PCDHGB1: variants seen among roughly 807,000 people sequenced by gnomAD.
The protein encoded by PCDHGB1 is protocadherin gamma subfamily B, 1, also known as protocadherin gamma-B1.
PCDHGB1 carries 34 observed loss-of-function variants against 56.6 expected under a neutral mutation model. The ratio of observed to expected loss-of-function variants is 0.60; its 90% confidence interval spans 0.46 to 0.80. The LOEUF (loss-of-function observed/expected upper bound fraction) is 0.80. Ranked by LOEUF, PCDHGB1 falls within the 30% of genes least tolerant of loss-of-function variation. PCDHGB1 has a pLI of 0.00. For missense variants in PCDHGB1, 1,278 were observed against 1,204.6 expected, an observed-to-expected ratio of 1.06 and a Z score of -0.90; for synonymous variants, 561 against 505.9, an observed-to-expected ratio of 1.11 and a Z score of -1.46.
rs376978832 is a variant in PCDHGB1, at chr5:141,395,250, C to T, written c.2409+42581C>T. On this transcript the variant is annotated intron_variant, in intron 1 of 3. Transcript: ENST00000523390. ...TGATCATGGTCAGGTGAGTTTAGTT[C>T]TTTGCTTGCTTTTAATTTCCAGATG... 1.1e-5 allele frequency: 17 copies of T among 1,558,200 alleles called. No individual in the cohort carries two copies. In the African/African-American group the frequency reaches 2.3e-4, roughly 21 times the overall value.
chr5:141,454,010 G>A (rs998092071), intron 1 of PCDHGB1, among the ~76,000 whole-genome samples: 2 of 152,146 alleles, frequency 1.3e-5, no homozygotes, highest in African/African-American at 4.8e-5. Context: ...TAACATTTTA[G>A]AAAAATGTAT....
At chr5:141,356,980 G>A in intron 1 of PCDHGB1, 1 of 1,614,252 alleles carries the variant, frequency 6.2e-7, no homozygotes, top group Non-Finnish European at 8.5e-7. Flanking sequence ...AGTGGTGGCA[G>A]TGGACAGAGA....
At chr5:141,412,163 T>G (rs1005929326) in intron 1 of PCDHGB1, 13 of 152,240 alleles carry the variant, frequency 8.5e-5, no homozygotes, top group African/African-American at 2.9e-4. Flanking sequence ...GAGAAGAGAT[T>G]ATTTATACTG....
At chr5:141,384,274 G>C (rs1396743546) in intron 1 of PCDHGB1, 1 of 1,613,704 alleles carries the variant, frequency 6.2e-7, no homozygotes, top group Non-Finnish European at 8.5e-7. Flanking sequence ...ATCCTACTCA[G>C]TCTACATCGC....
In PCDHGB1 at chr5:141,365,803, G is replaced by A. The variant is rs138451800; in HGVS notation, c.2409+13134G>A. On this transcript the variant is annotated intron_variant, in intron 1 of 3. Coordinates refer to ENST00000523390, the MANE Select transcript of PCDHGB1 (RefSeq NM_018922.3). ...ACAACGCTCGAGTCACCTACTCCCT[G>A]GCTGAAGACACATTTCAGGGGGCGC... 8,384 of 1,613,862 alleles carry A rather than the reference G, an allele frequency of 5.2e-3. 46 individuals are homozygous for A. Among genetic ancestry groups the A allele is most frequent in the Admixed American group, 9.4e-3 (566 of 60,014 alleles).
intron 1 of PCDHGB1, chr5:141,418,046 G>A (rs757311166): frequency 1.9e-6 from 3 of 1,613,888 alleles, no homozygotes; most frequent in Admixed American, 3.3e-5. Flanking sequence ...GGATGTGTCG[G>A]CTCGCGAGCT....
chr5:141,505,118 C>T (rs544825360), intron 2 of PCDHGB1, among the ~76,000 whole-genome samples: 32 of 152,222 alleles, frequency 2.1e-4, no homozygotes, highest in African/African-American at 7.5e-4. Flanking sequence ...GCCAAGATCG[C>T]GCCACTGCAC....
At chr5:141,362,340 T>C (rs764036848) in intron 1 of PCDHGB1, 2 of 1,614,058 alleles carry the variant, frequency 1.2e-6, no homozygotes, top group African/African-American at 2.7e-5. Flanking sequence ...GCTCCAAGCC[T>C]GGACCTGGGG....
At chr5:141,435,902 A>G (rs896786345) in intron 1 of PCDHGB1, among the ~76,000 whole-genome samples, 1 of 152,194 alleles carries the variant, frequency 6.6e-6, no homozygotes, top group Non-Finnish European at 1.5e-5. Flanking sequence ...AATGAAAGAC[A>G]TCCAAGGGCT....
intron 1 of PCDHGB1, chr5:141,478,331 G>C: frequency 6.2e-7 from 1 of 1,613,956 alleles, no homozygotes; most frequent in Non-Finnish European, 8.5e-7. Context: ...CCGAACACCA[G>C]GGCCCTCCTT....
At chr5:141,454,871 G>A (rs1337911223) in intron 1 of PCDHGB1, among the ~76,000 whole-genome samples, 2 of 129,030 alleles carry the variant, frequency 1.6e-5, no homozygotes, top group Non-Finnish European at 3.1e-5. Context: ...GCAGTGGCAC[G>A]ATCTTGGCTC....
At chr5:141,396,515 G>A (rs1162905890) in intron 1 of PCDHGB1, 3 of 152,048 alleles carry the variant, frequency 2.0e-5, no homozygotes, top group Non-Finnish European at 4.4e-5. Flanking sequence ...AGCTACTCGG[G>A]AGGCTGAGGC....
chr5:141,390,118 C>G, intron 1 of PCDHGB1: 2 of 1,614,036 alleles, frequency 1.2e-6, no homozygotes, highest in Non-Finnish European at 1.7e-6. Context: ...AGCGAGGGGA[C>G]TTTGCCTTAT....
chr5:141,410,820 T>A (rs1032991309), intron 1 of PCDHGB1: 14 of 524,668 alleles, frequency 2.7e-5, no homozygotes, highest in Non-Finnish European at 4.1e-5. Context: ...TAAAATAATG[T>A]CACCAGACTG....
At position 141,422,119 on chromosome 5, in the gene PCDHGB1, C is replaced by T. The variant is rs778866054; in HGVS notation, c.2409+69450C>T. 26 of 1,603,658 alleles carry T rather than the reference C, an allele frequency of 1.6e-5. No homozygotes were observed. In the Admixed American group the frequency reaches 4.2e-4, roughly 26 times the overall value. ...TTCTGAAATATTCCAATTGGATTCA[C>T]AAACTGGAGAAGTTCAAGTACGGGG... On this transcript the variant is annotated intron_variant, in intron 1 of 3. Transcript: ENST00000523390.
chr5:141,492,078 C>T (rs948391194), intron 1 of PCDHGB1: 4 of 483,290 alleles, frequency 8.3e-6, no homozygotes, highest in African/African-American at 2.0e-5. Flanking sequence ...GCGCCGGCTC[C>T]GGCACGCTTC....
At chr5:141,403,591 G>C in intron 1 of PCDHGB1, 2 of 1,613,836 alleles carry the variant, frequency 1.2e-6, no homozygotes, top group South Asian at 1.1e-5. Flanking sequence ...TGGTCCTCAC[G>C]GCCTCGGATG....
At chr5:141,359,980 T>C in intron 1 of PCDHGB1, 1 of 851,316 alleles carries the variant, frequency 1.2e-6, no homozygotes, top group Non-Finnish European at 1.7e-6. Flanking sequence ...GGGAGCCTCT[T>C]AGAGGGGAAC....
At position 141,350,164 on chromosome 5, in the gene PCDHGB1, T is replaced by C. The variant is rs1588479597; in HGVS notation, c.-97T>C. The C allele has an allele frequency of 1.7e-6, 2 of 1,151,326 alleles. No homozygotes were observed. The highest frequency in any genetic ancestry group is 2.7e-5 in the East Asian group (1 of 36,678). The allele number at this position is 1,151,326 out of a possible 1,614,324, so 71.3% of individuals were successfully genotyped here. A position where few individuals can be genotyped will look rare whatever the true frequency, so the allele number is the denominator to read the frequency against. On this transcript the variant is annotated 5_prime_UTR_variant, in exon 1 of 4. Coordinates refer to ENST00000523390, the MANE Select transcript of PCDHGB1 (RefSeq NM_018922.3). ...TCCTGTTCACCCTCGAGCGCCTAAC[T>C]AATAAGTCCTAAGCTCAAATCACAG...
Sources: gnomAD v4.1 joint callset for allele counts (sites outside exome capture counted in the v4.1 genomes callset) on GRCh38, gnomAD v4.1.1 for gene constraint, MANE v1.5 for transcripts, NCBI Gene and HGNC (gene_info 2026-07-23, HGNC 2026-07-21) for gene names.